The following TMEM63A variants were observed in gnomAD, a reference collection of about 807,000 sequenced individuals.
TMEM63A encodes the protein transmembrane protein 63A, also known as mechanosensitive cation channel TMEM63A.
A neutral mutation model predicts 100.6 loss-of-function variants in TMEM63A; 76 were observed. The ratio of observed to expected loss-of-function variants is 0.76; its 90% confidence interval spans 0.63 to 0.91. The LOEUF is 0.91. Among genes scored for constraint, TMEM63A ranks in the 40% least tolerant of loss-of-function variants. The pLI is 0.00. For missense variants in TMEM63A, 876 were observed against 1,008.8 expected, an observed-to-expected ratio of 0.87 and a Z score of 1.78; for synonymous variants, 401 against 401.1, an observed-to-expected ratio of 1.00 and a Z score of 0.00.
chr1:225,843,622 C>G (rs1025837678), downstream of TMEM63A, among the ~76,000 whole-genome samples: 1 of 152,200 alleles, frequency 6.6e-6, no homozygotes, highest in African/African-American at 2.4e-5. Context: ...CTAGGCCACT[C>G]CTGCAGCTCT....
chr1:225,844,288 G>A (rs1668712158), downstream of TMEM63A, among the ~76,000 whole-genome samples: 1 of 152,064 alleles, frequency 6.6e-6, no homozygotes, highest in African/African-American at 2.4e-5. Context: ...ACCTTGGGGT[G>A]ATAAGAGACA....
downstream of TMEM63A, among the ~76,000 whole-genome samples, chr1:225,843,747 C>T (rs1668642122): frequency 6.6e-6 from 1 of 152,220 alleles, no homozygotes; most frequent in Non-Finnish European, 1.5e-5. Context: ...TGGTCGTTTT[C>T]AAGCTGCGGG....
chr1:225,866,836 C>T, intron 8 of TMEM63A, 154 bp from the exon 9 acceptor site: 1 of 725,284 alleles, frequency 1.4e-6, no homozygotes, highest in South Asian at 1.7e-5. Context: ...TGGCCAGCAC[C>T]CCTCAGCCCA....
chr1:225,850,117 G>A (rs1463887196), intron 20 of TMEM63A, 38 bp from the exon 21 acceptor site: 3 of 1,609,420 alleles, frequency 1.9e-6, no homozygotes, highest in South Asian at 2.2e-5. Flanking sequence ...GACCTCGCAG[G>A]GCCACACAGA....
chr1:225,881,520 C>G (rs1405966052), intron 1 of TMEM63A, among the ~76,000 whole-genome samples: 10 of 152,206 alleles, frequency 6.6e-5, no homozygotes, highest in Non-Finnish European at 1.3e-4. Context: ...TGCCCCCACA[C>G]TAAACAAAGG....
At chr1:225,849,861 A>G (rs771007169) in intron 21 of TMEM63A, 51 bp downstream of exon 21, 7 of 1,591,506 alleles carry the variant, frequency 4.4e-6, no homozygotes, top group Admixed American at 3.4e-5. Flanking sequence ...GCTGGTGGGG[A>G]TGCAGGGCTG....
At chr1:225,872,689 C>CTTTTTTTTTTT (rs67884791) in intron 4 of TMEM63A, among the ~76,000 whole-genome samples, 3 of 87,064 alleles carry the variant, frequency 3.4e-5, no homozygotes, top group African/African-American at 8.7e-5. Context: ...TGCTTTTCTT[C>CTTTTTTTTTTT]TTTTTTTTTT....
rs530801254 is a variant in TMEM63A at position 225,848,683 on chromosome 1, G to A, written c.2188-129C>T. The A allele has an allele frequency of 8.8e-5, 92 of 1,041,836 alleles. 1 individual carries two copies. In the Middle Eastern group the frequency reaches 1.2e-3, roughly 14 times the overall value. The allele number at this position is 1,041,836 out of a possible 1,614,324, so 64.5% of individuals were successfully genotyped here. ...CTGGCACCAAGCTCCCCAGCAGCCC[G>A]AGAGAGGATGGGGTGGGGGAGTGCA... On this transcript the variant is annotated intron_variant, in intron 22 of 24. Transcript: ENST00000366835.
Position 225,865,976 on chromosome 1 carries a change from G to C in TMEM63A, c.676-9C>G. On this transcript the variant is annotated splice_polypyrimidine_tract_variant and intron_variant, in intron 9 of 24. Transcript: ENST00000366835. The surrounding 1 kb of genome is among the most constrained non-coding windows in gnomAD (Gnocchi z 4.6). ...AACAGGGTCCGCCTCACCTGTCCGG[G>C]AAATACAGCAGGGAGAGAAGTCACC... 1 of 1,613,492 alleles carries C rather than the reference G, an allele frequency of 6.2e-7. No homozygotes were observed. The highest frequency in any genetic ancestry group is 2.2e-5 in the East Asian group (1 of 44,834).
chr1:225,866,615 GC>G lies in TMEM63A; in HGVS notation c.633del (p.Met211IlefsTer16). On this transcript the variant is annotated frameshift_variant, in exon 9 of 25. Transcript: ENST00000366835. LOFTEE classifies it high-confidence loss of function. ...TACTTAATGGACTGAGTGTGGTGCC[GC>G]ATGAAACCCACAGTGAGGAAGAGGT... ...VIYLFLTVGF[M>X]RHHTQSIKYK... 1 of 1,613,932 alleles carries G rather than the reference GC, an allele frequency of 6.2e-7. No individual in the cohort carries two copies. The highest frequency in any genetic ancestry group is 8.5e-7 in the Non-Finnish European group (1 of 1,179,886).
chr1:225,874,201 CACACACGCACAT>C, intron 4 of TMEM63A, 75 bp downstream of exon 4: 1 of 1,292,236 alleles, frequency 7.7e-7, no homozygotes. Flanking sequence ...CACATATATG[CACACACGCACAT>C]ATACACACTC....
At position 225,871,951 on chromosome 1, in the gene TMEM63A, C is replaced by G. The variant is rs1457780930; in HGVS notation, c.333+36G>C. 9.8e-6 allele frequency: 15 copies of G among 1,534,722 alleles called. No homozygotes were observed. The South Asian group carries it at 1.1e-4, about 12-fold the overall frequency. Reference sequence around the variant, plus strand: ...AAACCATGACTGCCAGTCCCCACCCCCTGGCCATGACCACAACTGGGCCTT... The same window carrying G: ...AAACCATGACTGCCAGTCCCCACCCGCTGGCCATGACCACAACTGGGCCTT... On this transcript the variant is annotated intron_variant, in intron 5 of 24. Coordinates refer to ENST00000366835, the MANE Select transcript of TMEM63A (RefSeq NM_014698.3).
rs932831165 is a variant in TMEM63A, at chr1:225,845,843, G to A, written c.*1096C>T. 1.8e-4 allele frequency: 40 copies of A among 224,192 alleles called. No individual in the cohort carries two copies. Among genetic ancestry groups the A allele is most frequent in the Non-Finnish European group, 3.3e-4 (37 of 112,082 alleles). The allele number at this position is 224,192 out of a possible 1,614,324, so 13.9% of individuals were successfully genotyped here. A position where few individuals can be genotyped will look rare whatever the true frequency, so the allele number is the denominator to read the frequency against. Reference sequence around the variant, plus strand: ...GGCCCAGATAAGCCCAGGCCCCCCAGGCCAGCGGACAGGCACAGGCAGGGC... The same window carrying A: ...GGCCCAGATAAGCCCAGGCCCCCCAAGCCAGCGGACAGGCACAGGCAGGGC... On this transcript the variant is annotated 3_prime_UTR_variant, in exon 25 of 25. Coordinates refer to ENST00000366835, the MANE Select transcript of TMEM63A (RefSeq NM_014698.3).
chr1:225,868,802 C>G (rs1670348373), intron 6 of TMEM63A, among the ~76,000 whole-genome samples: 2 of 152,248 alleles, frequency 1.3e-5, no homozygotes, highest in Middle Eastern at 3.4e-3. Flanking sequence ...AGTCCCAGTC[C>G]ATCCTACCAC....
Position 225,862,750 on chromosome 1 carries a change from C to T in TMEM63A, c.827+21G>A. The T allele has an allele frequency of 6.2e-7, 1 of 1,613,944 alleles. No homozygotes were observed. The highest frequency in any genetic ancestry group is 8.5e-7 in the Non-Finnish European group (1 of 1,179,958). The stretch of plus-strand genomic sequence containing the variant: ...CAGCAAGGAAGGAGGGGGCATCTTG[C>T]AAGGCCCGCCCACCACTCACTTCTC... On this transcript the variant is annotated intron_variant, in intron 11 of 24. Coordinates refer to ENST00000366835, the MANE Select transcript of TMEM63A (RefSeq NM_014698.3). This position sits in a 1 kb window ranked among gnomAD's most constrained non-coding sequence, Gnocchi z 5.1.
At chr1:225,872,456 A>G (rs1317420052) in intron 4 of TMEM63A, among the ~76,000 whole-genome samples, 1 of 152,242 alleles carries the variant, frequency 6.6e-6, no homozygotes, top group Non-Finnish European at 1.5e-5. Flanking sequence ...TTATTTTATG[A>G]AACACTAAAG....
At position 225,846,889 on chromosome 1, in the gene TMEM63A, G is replaced by C; in HGVS notation, c.*50C>G. The stretch of plus-strand genomic sequence containing the variant: ...CGCATTCCCACTCAGCCAAGGGCCT[G>C]AGCCCCAGGCCATTCTGGTTGTGTC... On this transcript the variant is annotated 3_prime_UTR_variant, in exon 25 of 25. Coordinates refer to ENST00000366835, the MANE Select transcript of TMEM63A (RefSeq NM_014698.3). 9.9e-7 allele frequency: 1 copy of C among 1,008,952 alleles called. No homozygotes were observed. Among genetic ancestry groups the C allele is most frequent in the East Asian group, 2.7e-5 (1 of 36,936 alleles). The allele number at this position is 1,008,952 out of a possible 1,614,324, so 62.5% of individuals were successfully genotyped here.
In TMEM63A at chr1:225,862,630, G is replaced by A. The variant is rs759784584; in HGVS notation, c.828-52C>T. ...ACCTCAGATTTAGAATCCTGTGGCA[G>A]GGACCCCCATACCCACAGTTCAACC... On this transcript the variant is annotated intron_variant, in intron 11 of 24. Transcript: ENST00000366835. The surrounding 1 kb of genome is among the most constrained non-coding windows in gnomAD (Gnocchi z 5.1). 2 of 1,602,350 alleles carry A rather than the reference G, an allele frequency of 1.2e-6. No individual in the cohort carries two copies. The highest frequency in any genetic ancestry group is 3.4e-5 in the Admixed American group (2 of 59,618).
At chr1:225,870,863 A>G (rs1670476354) in intron 6 of TMEM63A, among the ~76,000 whole-genome samples, 1 of 152,190 alleles carries the variant, frequency 6.6e-6, no homozygotes, top group South Asian at 2.1e-4. Flanking sequence ...TGGAGGCTCC[A>G]ATCCTACAGG....
Sources: allele counts gnomAD v4.1 joint callset (sites outside exome capture counted in the v4.1 genomes callset), GRCh38; gene constraint gnomAD v4.1.1; non-coding constraint Gnocchi (gnomAD v3.1); transcripts MANE v1.5; gene names NCBI Gene and HGNC (gene_info 2026-07-23, HGNC 2026-07-21).